ATP8A2: variants seen among roughly 807,000 people sequenced by gnomAD.
The protein encoded by ATP8A2 is phospholipid-transporting ATPase IB.
Under a neutral mutation model 165.6 loss-of-function variants are expected in ATP8A2, and 100 were observed. The observed-to-expected ratio is 0.60, with a 90% confidence interval of 0.51 to 0.71. The LOEUF (loss-of-function observed/expected upper bound fraction) is 0.71, where lower values mean the gene tolerates loss of function less well. Ranked by LOEUF, ATP8A2 falls within the 30% of genes least tolerant of loss-of-function variation. The pLI is 0.00. For missense variants in ATP8A2, 1,227 were observed against 1,479.5 expected (o/e 0.83, Z 2.80); for synonymous variants, 543 against 548.8 (o/e 0.99, Z 0.15).
chr13:25,799,802 G>A (rs1376658561), intron 27 of ATP8A2, among the ~76,000 whole-genome samples: 2 of 152,216 alleles, frequency 1.3e-5, no homozygotes, highest in African/African-American at 4.8e-5. Context: ...AAAGCAGGGG[G>A]ATGTGATTGA....
intron 24 of ATP8A2, among the ~76,000 whole-genome samples, chr13:25,607,989 A>T (rs890555690): frequency 6.6e-6 from 1 of 152,214 alleles, no homozygotes; most frequent in Non-Finnish European, 1.5e-5. Flanking sequence ...TGATAGTAAA[A>T]TAAGAAGCAT....
chr13:25,517,083 A>T (rs1196418607), intron 2 of ATP8A2: 16 of 136,918 alleles, frequency 1.2e-4, no homozygotes, highest in Admixed American at 1.5e-4. Context: ...GCCTGGTCAC[A>T]TTTTTTTTTT....
At chr13:25,559,697 C>T in intron 14 of ATP8A2, 24 bp from the exon 15 acceptor site, 2 of 1,605,584 alleles carry the variant, frequency 1.2e-6, no homozygotes, top group Non-Finnish European at 1.7e-6. Flanking sequence ...TTTGTGACCA[C>T]TCTGTTTTCC....
chr13:25,577,009 C>T (rs2039636252), intron 19 of ATP8A2, 60 bp from the exon 20 acceptor site: 29 of 1,364,150 alleles, frequency 2.1e-5, no homozygotes, highest in Non-Finnish European at 3.0e-5. Context: ...TGGTGTTCAG[C>T]TGTGGGATAT....
chr13:25,937,372 T>C (rs1954931732), intron 33 of ATP8A2, among the ~76,000 whole-genome samples: 1 of 138,252 alleles, frequency 7.2e-6, no homozygotes, highest in African/African-American at 2.6e-5. Flanking sequence ...CTTTTTTTTT[T>C]TTTTTTTGAA....
chr13:25,696,519 A>G (rs763355394), intron 24 of ATP8A2, among the ~76,000 whole-genome samples: 37 of 152,222 alleles, frequency 2.4e-4, no homozygotes, highest in Non-Finnish European at 4.6e-4. Context: ...CCTTCTGGCG[A>G]ACTTGCTGCA....
At chr13:25,383,127 C>T (rs1319662048) in intron 1 of ATP8A2, among the ~76,000 whole-genome samples, 1 of 148,806 alleles carries the variant, frequency 6.7e-6, no homozygotes, top group African/African-American at 2.5e-5. Context: ...CTCACTACAA[C>T]CTCCTCCTCC....
intron 24 of ATP8A2, among the ~76,000 whole-genome samples, chr13:25,644,710 A>G (rs796219824): frequency 5.9e-4 from 90 of 152,180 alleles, no homozygotes; most frequent in African/African-American, 2.1e-3. Flanking sequence ...AAGACTTCTT[A>G]TTACTGATTC....
At chr13:25,486,202 A>T (rs998474164) in intron 2 of ATP8A2, among the ~76,000 whole-genome samples, 2 of 151,836 alleles carry the variant, frequency 1.3e-5, no homozygotes, top group East Asian at 1.9e-4. Context: ...TATTCCAAAT[A>T]TTTTTTTTAT....
At chr13:25,996,925 C>G (rs1386428886) in intron 35 of ATP8A2, among the ~76,000 whole-genome samples, 1 of 152,192 alleles carries the variant, frequency 6.6e-6, no homozygotes, top group South Asian at 2.1e-4. Context: ...CTCAGATGAT[C>G]CTCCCACCTC....
intron 2 of ATP8A2, among the ~76,000 whole-genome samples, chr13:25,479,242 A>G (rs1026033625): frequency 2.0e-5 from 3 of 152,202 alleles, no homozygotes; most frequent in African/African-American, 7.2e-5. Context: ...CCCAGTACAT[A>G]TTTACCAAGA....
chr13:25,402,964 A>C (rs531491532), intron 1 of ATP8A2, among the ~76,000 whole-genome samples: 98 of 152,288 alleles, frequency 6.4e-4, no homozygotes, highest in Middle Eastern at 3.4e-3. Flanking sequence ...CCATGTCATC[A>C]CATGCAAGAG....
At chr13:25,948,909 A>G (rs1055375448) in intron 33 of ATP8A2, among the ~76,000 whole-genome samples, 1 of 152,178 alleles carries the variant, frequency 6.6e-6, no homozygotes, top group South Asian at 2.1e-4. Flanking sequence ...GGGGACGCAG[A>G]TGATGCTTTT....
intron 33 of ATP8A2, among the ~76,000 whole-genome samples, chr13:25,868,602 A>AT (rs1185215076): frequency 6.6e-6 from 1 of 152,188 alleles, no homozygotes; most frequent in African/African-American, 2.4e-5. Context: ...GAAGTAACAC[A>AT]CTGTGTTTCT....
intron 24 of ATP8A2, among the ~76,000 whole-genome samples, chr13:25,599,946 A>C (rs537641875): frequency 1.1e-4 from 16 of 152,298 alleles, no homozygotes; most frequent in African/African-American, 3.8e-4. Context: ...GATACCAACT[A>C]TAGGAACAGT....
At chr13:25,698,626 G>A (rs1274397705) in intron 24 of ATP8A2, among the ~76,000 whole-genome samples, 1 of 152,096 alleles carries the variant, frequency 6.6e-6, no homozygotes, top group Non-Finnish European at 1.5e-5. Flanking sequence ...TGGTAGTAGT[G>A]TTTTGGTAGG....
intron 24 of ATP8A2, among the ~76,000 whole-genome samples, chr13:25,596,448 A>C (rs990669814): frequency 6.6e-6 from 1 of 152,178 alleles, no homozygotes. Flanking sequence ...CCAGCCCTCC[A>C]TATCCCCAGG....
chr13:25,802,265 A>G (rs1950637458), intron 27 of ATP8A2, among the ~76,000 whole-genome samples: 1 of 152,200 alleles, frequency 6.6e-6, no homozygotes, highest in African/African-American at 2.4e-5. Flanking sequence ...GTTAAGATTC[A>G]GTGATTGAGG....
Position 26,022,017 on chromosome 13 carries a change from A to G in ATP8A2, c.*2032A>G, listed in dbSNP as rs1395362307. On this transcript the variant is annotated 3_prime_UTR_variant, in exon 37 of 37. Transcript: ENST00000381655. ...GGCCTGAGGGGCAGCAGAACAATGC[A>G]ATTCACAGGTGAGGCTCCAAAAAGG... The G allele has an allele frequency of 6.6e-6, 1 of 152,214 alleles. No individual in the cohort carries two copies. The highest frequency in any genetic ancestry group is 1.5e-5 in the Non-Finnish European group (1 of 68,050). 9.4% of individuals were successfully genotyped at this position (152,214 alleles called of 1,614,324 possible). A position where few individuals can be genotyped will look rare whatever the true frequency, so the allele number is the denominator to read the frequency against.
Sources: gnomAD v4.1 joint callset for allele counts (sites outside exome capture counted in the v4.1 genomes callset) on GRCh38, gnomAD v4.1.1 for gene constraint, MANE v1.5 for transcripts, NCBI Gene and HGNC (gene_info 2026-07-23, HGNC 2026-07-21) for gene names.